AKAP9: variants seen among roughly 807,000 people sequenced by gnomAD.
The protein encoded by AKAP9 is A-kinase anchor protein 9.
AKAP9 carries 311 observed loss-of-function variants against 488.5 expected under a neutral mutation model. The observed-to-expected ratio is 0.64, with a 90% confidence interval of 0.58 to 0.70. The LOEUF (loss-of-function observed/expected upper bound fraction) is 0.70, where lower values mean the gene tolerates loss of function less well. AKAP9 is among the 30% of genes least tolerant of loss of function. The probability of loss-of-function intolerance (pLI) is 0.00; values close to 1 mark genes in which losing one functional copy is unlikely to be tolerated. For synonymous variants in AKAP9, 1,462 were observed against 1,483.5 expected (o/e 0.99, Z 0.33); for missense variants, 4,215 against 4,374.5 (o/e 0.96, Z 1.03).
intron 1 of AKAP9, among the ~76,000 whole-genome samples, chr7:91,964,521 T>C (rs1722763329): frequency 6.6e-6 from 1 of 152,170 alleles, no homozygotes; most frequent in Admixed American, 6.5e-5. Flanking sequence ...GGGTAATGCC[T>C]ACCCTAAAAA....
At chr7:91,965,517 T>C (rs1376417029) in intron 1 of AKAP9, among the ~76,000 whole-genome samples, 1 of 152,236 alleles carries the variant, frequency 6.6e-6, no homozygotes, top group Admixed American at 6.5e-5. Context: ...ATCTCCTTTG[T>C]ATATTGATTT....
rs747099944 is a variant in AKAP9 at position 92,045,175 on chromosome 7, C to G, written c.5330C>G (p.Ala1777Gly). ...CTAATTTGGAGGTCAGAAGCAGAGG[C>G]ATCTGTAAAGTCATGTGTCCATGAG... ...ASLIWRSEAE[A>G]SVKSCVHEEH... is the part of the protein sequence containing the mutation. The change falls in exon 21 of 50, where the codon GCA becomes GGA. Residue 1777 changes from alanine (A) to glycine (G), a missense_variant. This residue lies in a region of AKAP9 where 2,361 missense variants were observed against 2,430.0 expected (regional missense o/e 0.97). Coordinates refer to ENST00000356239, the MANE Select transcript of AKAP9 (RefSeq NM_005751.5). The G allele has an allele frequency of 1.2e-6, 2 of 1,613,686 alleles. No homozygotes were observed. Among genetic ancestry groups the G allele is most frequent in the Non-Finnish European group, 1.7e-6 (2 of 1,179,942 alleles).
intron 14 of AKAP9, among the ~76,000 whole-genome samples, chr7:92,025,640 C>A (rs1802990314): frequency 1.3e-5 from 2 of 152,188 alleles, no homozygotes; most frequent in Admixed American, 1.3e-4. Context: ...TTGGAAAGAT[C>A]ATGGGTTTTA....
intron 22 of AKAP9, among the ~76,000 whole-genome samples, chr7:92,053,313 GC>G (rs1808294666): frequency 6.6e-6 from 1 of 152,170 alleles, no homozygotes; most frequent in Non-Finnish European, 1.5e-5. Flanking sequence ...CAGTGTTAAT[GC>G]TGTTGCTACT....
At chr7:91,973,641 G>A (rs1242725752) in intron 1 of AKAP9, 70 bp from the exon 2 acceptor site, 9 of 1,518,616 alleles carry the variant, frequency 5.9e-6, no homozygotes, top group Non-Finnish European at 7.2e-6. Flanking sequence ...GACTCCCAAA[G>A]CTGCTTTTTT....
At chr7:92,059,535 T>A (rs1020948799) in intron 22 of AKAP9, among the ~76,000 whole-genome samples, 10 of 151,874 alleles carry the variant, frequency 6.6e-5, no homozygotes, top group African/African-American at 2.4e-4. Flanking sequence ...TGTCAGGAAG[T>A]AGAACATAGA....
rs200044616 is a variant in AKAP9, at chr7:92,042,163, C to T, written c.5035C>T (p.Arg1679Cys). ...AGREKLCCEL[R>C]NSSTQTQNGN... ...AAGAGAGAAGCTGTGTTGTGAGCTG[C>T]GCAACAGCAGTACGCAAACACAGGT... Residue 1679 changes from arginine (R) to cysteine (C), a missense_variant, in exon 19 of 50, where the codon CGC (arginine) becomes TGC (cysteine). Physicochemically the swap from Arg to Cys is radical, Grantham distance 180 (BLOSUM62 -3). This residue lies in a region of AKAP9 where 2,361 missense variants were observed against 2,430.0 expected (regional missense o/e 0.97). Coordinates refer to ENST00000356239, the MANE Select transcript of AKAP9 (RefSeq NM_005751.5). 58 of 1,613,836 alleles carry T rather than the reference C, an allele frequency of 3.6e-5. No individual in the cohort carries two copies. The highest frequency in any genetic ancestry group is 6.7e-5 in the African/African-American group (5 of 74,996).
chr7:91,960,257 GTGTT>G (rs1793568681), intron 1 of AKAP9, among the ~76,000 whole-genome samples: 1 of 152,034 alleles, frequency 6.6e-6, no homozygotes, highest in Admixed American at 6.5e-5. Context: ...TTGTTTCATC[GTGTT>G]TGTTTTTATT....
chr7:92,085,870 G>A (rs1010374109), intron 36 of AKAP9, among the ~76,000 whole-genome samples, 184 bp downstream of exon 36: 1 of 152,020 alleles, frequency 6.6e-6, no homozygotes, highest in African/African-American at 2.4e-5. Flanking sequence ...TTGGGAGGCC[G>A]AGGTGGGTGG....
chr7:92,074,631 A>C (rs1584437217), intron 28 of AKAP9, among the ~76,000 whole-genome samples: 1 of 152,168 alleles, frequency 6.6e-6, no homozygotes, highest in Non-Finnish European at 1.5e-5. Context: ...ATTAATGATA[A>C]ACTGGATAAA....
Position 92,080,418 on chromosome 7 carries a change from G to C in AKAP9, c.8019+266G>C, listed in dbSNP as rs552518945. On this transcript the variant is annotated intron_variant, in intron 31 of 49. Transcript: ENST00000356239. The stretch of plus-strand genomic sequence containing the variant: ...TCGAGACCATCCTGTCTAACACGGT[G>C]AAACCCCGTCTCTACTAAAAATACA... 9.9e-5 allele frequency among the ~76,000 whole-genome samples: 15 copies of C among 152,250 alleles called. No individual in the cohort carries two copies. The South Asian group carries it at 3.1e-3, about 32-fold the overall frequency.
intron 7 of AKAP9, among the ~76,000 whole-genome samples, chr7:91,996,410 C>T (rs550526996): frequency 2.4e-4 from 36 of 152,302 alleles, no homozygotes; most frequent in Admixed American, 1.4e-3. Context: ...TCAGAAGTGA[C>T]TTGCCTGAGG....
chr7:92,053,396 G>T (rs1808303247), intron 22 of AKAP9, among the ~76,000 whole-genome samples: 1 of 152,140 alleles, frequency 6.6e-6, no homozygotes, highest in South Asian at 2.1e-4. Flanking sequence ...TAAGCAACGT[G>T]AAAAATGTTA....
intron 6 of AKAP9, 74 bp from the exon 7 acceptor site, chr7:91,995,529 A>G: frequency 1.5e-6 from 2 of 1,355,074 alleles, no homozygotes; most frequent in Non-Finnish European, 2.1e-6. Flanking sequence ...TATTGCAGGG[A>G]CACCCCAAAG....
intron 18 of AKAP9, chr7:92,041,213 C>T (rs1806057814): frequency 6.7e-6 from 2 of 300,008 alleles, no homozygotes; most frequent in Non-Finnish European, 1.2e-5. Context: ...TAAATCATTC[C>T]ATTAGCCATA....
Position 91,940,952 on chromosome 7 carries a change from T to C in AKAP9, c.-148T>C, listed in dbSNP as rs1258680014. 9.2e-5 allele frequency: 76 copies of C among 828,260 alleles called. No individual in the cohort carries two copies. The highest frequency in any genetic ancestry group is 5.7e-4 in the East Asian group (23 of 40,546). The allele number at this position is 828,260 out of a possible 1,614,324, so 51.3% of individuals were successfully genotyped here. On this transcript the variant is annotated 5_prime_UTR_variant, in exon 1 of 50. Coordinates refer to ENST00000356239, the MANE Select transcript of AKAP9 (RefSeq NM_005751.5). ...ACGATCCGCCAGTGAGCGCGGAGACTGCTTCCACTTCGGGCGGGGGAGCGC... is the reference window on the plus strand; with the variant it reads ...ACGATCCGCCAGTGAGCGCGGAGACCGCTTCCACTTCGGGCGGGGGAGCGC...
chr7:92,043,366 A>G (rs755237508), intron 20 of AKAP9: 5 of 979,264 alleles, frequency 5.1e-6, no homozygotes, highest in Non-Finnish European at 6.1e-6. Flanking sequence ...GAACTCAAAC[A>G]AGAAAGACAG....
chr7:92,099,002 A>G (rs900226944), intron 43 of AKAP9, among the ~76,000 whole-genome samples: 1 of 152,096 alleles, frequency 6.6e-6, no homozygotes, highest in African/African-American at 2.4e-5. Flanking sequence ...CCCCTTAGGA[A>G]CCTCACAGGC....
chr7:92,069,991 AT>A (rs765847391), intron 26 of AKAP9, 38 bp from the exon 27 acceptor site: 9 of 1,588,362 alleles, frequency 5.7e-6, no homozygotes, highest in Middle Eastern at 1.9e-4. Context: ...GCTTGCTGAA[AT>A]TTTTTTTAAA....
Sources: gnomAD v4.1 joint callset for allele counts (sites outside exome capture counted in the v4.1 genomes callset) on GRCh38, gnomAD v4.1.1 for gene constraint, gnomAD v4.1.1 regional missense constraint, MANE v1.5 for transcripts, NCBI Gene and HGNC (gene_info 2026-07-23, HGNC 2026-07-21) for gene names.